RAB3C: variants seen among roughly 807,000 people sequenced by gnomAD.
The protein encoded by RAB3C is RAB3C, member RAS oncogene family.
Under a neutral mutation model 26.4 loss-of-function variants are expected in RAB3C, and 17 were observed. That is an observed-to-expected ratio of 0.64 (90% CI 0.44 to 0.97). The LOEUF is 0.97. Ranked by LOEUF, RAB3C falls within the 50% of genes least tolerant of loss-of-function variation. The probability of loss-of-function intolerance (pLI) is 0.00; values close to 1 mark genes in which losing one functional copy is unlikely to be tolerated. For synonymous variants in RAB3C, 91 were observed against 95.9 expected, an observed-to-expected ratio of 0.95 and a Z score of 0.30; for missense variants, 242 against 281.9, an observed-to-expected ratio of 0.86 and a Z score of 1.01.
chr5:58,735,260 G>T (rs1226376166), intron 3 of RAB3C, among the ~76,000 whole-genome samples: 1 of 152,194 alleles, frequency 6.6e-6, no homozygotes, highest in African/African-American at 2.4e-5. Flanking sequence ...GCAGGGCCTT[G>T]TTCAGCCTTA....
At chr5:58,726,681 T>G (rs1157504228) in intron 3 of RAB3C, among the ~76,000 whole-genome samples, 1 of 151,990 alleles carries the variant, frequency 6.6e-6, no homozygotes, top group East Asian at 1.9e-4. Context: ...ATTTGTTAAA[T>G]AGGTTATTCA....
chr5:58,595,400 C>G lies in RAB3C; in HGVS notation c.24+12168C>G, dbSNP rs533822822. ...TGGTGAGATCTGCTGAGCTATATCA[C>G]CAAGAAGGGTGTCTGGTGAAGACAG... is the stretch of plus-strand genomic sequence containing the variant. On this transcript the variant is annotated intron_variant, in intron 1 of 4. Coordinates refer to ENST00000282878, the MANE Select transcript of RAB3C (RefSeq NM_138453.4). Among the ~76,000 whole-genome samples the G allele has an allele frequency of 6.2e-4, 94 of 152,210 alleles. 1 individual carries two copies. The highest frequency in any genetic ancestry group is 2.2e-3 in the African/African-American group (92 of 41,544).
intron 3 of RAB3C, among the ~76,000 whole-genome samples, chr5:58,809,741 A>T (rs1422781229): frequency 6.6e-6 from 1 of 152,062 alleles, no homozygotes; most frequent in Non-Finnish European, 1.5e-5. Flanking sequence ...ACACAAGAGA[A>T]ATCTCTCTGC....
Position 58,799,683 on chromosome 5 carries a change from G to A in RAB3C, c.372-25355G>A, listed in dbSNP as rs144834842. 5.8e-3 allele frequency among the ~76,000 whole-genome samples: 877 copies of A among 152,294 alleles called. 6 individuals are homozygous for A. Among genetic ancestry groups the A allele is most frequent in the African/African-American group, 0.02 (812 of 41,570 alleles). ...CTCTCAGTCTCCTCACTCAGGGAAG[G>A]AGAAAGGCACTTCCCTCTTATATGA... On this transcript the variant is annotated intron_variant, in intron 3 of 4. Coordinates refer to ENST00000282878, the MANE Select transcript of RAB3C (RefSeq NM_138453.4).
chr5:58,822,818 C>T lies in RAB3C; in HGVS notation c.372-2220C>T, dbSNP rs183419088. 281 of 616,544 alleles carry T rather than the reference C, an allele frequency of 4.6e-4. 4 individuals carry two copies. The East Asian group carries it at 0.01, about 22-fold the overall frequency. The allele number at this position is 616,544 out of a possible 1,614,324, so 38.2% of individuals were successfully genotyped here. ...TGCTGCAGCACATTATACTGGCCTG[C>T]CACTGGCCCACGGGCTTCTCGGTAG... On this transcript the variant is annotated intron_variant, in intron 3 of 4. Transcript: ENST00000282878.
intron 2 of RAB3C, among the ~76,000 whole-genome samples, chr5:58,664,802 A>G (rs1055692399): frequency 3.9e-5 from 6 of 152,074 alleles, no homozygotes; most frequent in Admixed American, 2.0e-4. Flanking sequence ...AAACTCCTCA[A>G]TGTTGCCTAA....
rs558054964 is a variant in RAB3C, at chr5:58,639,405, A to G, written c.252+21535A>G. Among the ~76,000 whole-genome samples the G allele has an allele frequency of 3.3e-5, 5 of 152,296 alleles. No homozygotes were observed. In the South Asian group the frequency reaches 8.3e-4, roughly 25 times the overall value. On this transcript the variant is annotated intron_variant, in intron 2 of 4. Coordinates refer to ENST00000282878, the MANE Select transcript of RAB3C (RefSeq NM_138453.4). Reference sequence around the variant, plus strand: ...CTCAAACAACAAAAATTATTTTCTCACAGTTCTGAAGGCTGGGAAGTCCAG... The same window carrying G: ...CTCAAACAACAAAAATTATTTTCTCGCAGTTCTGAAGGCTGGGAAGTCCAG...
At chr5:58,631,041 A>G (rs1747176322) in intron 2 of RAB3C, among the ~76,000 whole-genome samples, 1 of 152,174 alleles carries the variant, frequency 6.6e-6, no homozygotes, top group Non-Finnish European at 1.5e-5. Flanking sequence ...TAAACCAGAG[A>G]GAAGTTCTTA....
intron 3 of RAB3C, among the ~76,000 whole-genome samples, chr5:58,727,313 A>G (rs1427864617): frequency 6.6e-6 from 1 of 151,946 alleles, no homozygotes; most frequent in Non-Finnish European, 1.5e-5. Flanking sequence ...AAGAAATAAT[A>G]CCATTGGCAA....
chr5:58,803,112 G>A (rs1742847870), intron 3 of RAB3C, among the ~76,000 whole-genome samples: 1 of 152,212 alleles, frequency 6.6e-6, no homozygotes, highest in Non-Finnish European at 1.5e-5. Flanking sequence ...CTGGGAAATG[G>A]TGTCTGGCTG....
At chr5:58,638,998 G>T (rs933869695) in intron 2 of RAB3C, among the ~76,000 whole-genome samples, 5 of 152,136 alleles carry the variant, frequency 3.3e-5, no homozygotes, top group African/African-American at 1.2e-4. Context: ...CAGCTCCCTA[G>T]ATCTACACTT....
chr5:58,628,396 G>T (rs1049903016), intron 2 of RAB3C, among the ~76,000 whole-genome samples: 1 of 152,136 alleles, frequency 6.6e-6, no homozygotes, highest in Non-Finnish European at 1.5e-5. Flanking sequence ...GCATCAGAGA[G>T]TCATTACCAC....
At chr5:58,826,979 T>C (rs903003348) in intron 4 of RAB3C, among the ~76,000 whole-genome samples, 1 of 152,218 alleles carries the variant, frequency 6.6e-6, no homozygotes, top group Admixed American at 6.5e-5. Flanking sequence ...TATCCCTGGA[T>C]GGCCACAAGA....
chr5:58,728,189 A>G (rs1237354500), intron 3 of RAB3C, among the ~76,000 whole-genome samples: 1 of 152,038 alleles, frequency 6.6e-6, no homozygotes, highest in Non-Finnish European at 1.5e-5. Flanking sequence ...TAATTCATTC[A>G]ACAAGCACTT....
At chr5:58,675,145 T>A (rs1408463236) in intron 2 of RAB3C, among the ~76,000 whole-genome samples, 1 of 152,124 alleles carries the variant, frequency 6.6e-6, no homozygotes, top group African/African-American at 2.4e-5. Flanking sequence ...CACAAACCTG[T>A]CTCAGGCTCA....
intron 3 of RAB3C, among the ~76,000 whole-genome samples, chr5:58,765,894 G>T (rs1223038349): frequency 6.6e-6 from 1 of 152,092 alleles, no homozygotes; most frequent in Non-Finnish European, 1.5e-5. Flanking sequence ...TCATGAGAGC[G>T]AGTGAGTTCT....
chr5:58,775,962 C>A (rs1227487467), intron 3 of RAB3C, among the ~76,000 whole-genome samples: 1 of 152,100 alleles, frequency 6.6e-6, no homozygotes, highest in African/African-American at 2.4e-5. Flanking sequence ...TTCCTGTTGC[C>A]TGTCCCACAA....
In RAB3C at chr5:58,672,259, G is replaced by A. The variant is rs146302311; in HGVS notation, c.253-53743G>A. Among the ~76,000 whole-genome samples, 245 of 152,278 alleles carry A rather than the reference G, an allele frequency of 1.6e-3. 1 individual carries two copies. Among genetic ancestry groups the A allele is most frequent in the Middle Eastern group, 0.01 (3 of 294 alleles). On this transcript the variant is annotated intron_variant, in intron 2 of 4. Coordinates refer to ENST00000282878, the MANE Select transcript of RAB3C (RefSeq NM_138453.4). Reference sequence around the variant, plus strand: ...GCAGAAACGGCACACTAAGCAAGGGGCACAGGTGATCCCCTGGGGTTAGAC... The same window carrying A: ...GCAGAAACGGCACACTAAGCAAGGGACACAGGTGATCCCCTGGGGTTAGAC...
At chr5:58,691,256 G>C (rs988048018) in intron 2 of RAB3C, among the ~76,000 whole-genome samples, 1 of 152,176 alleles carries the variant, frequency 6.6e-6, no homozygotes, top group African/African-American at 2.4e-5. Context: ...TCTTTAGGCT[G>C]TGGGGGAATG....
Sources: gnomAD v4.1 joint callset for allele counts (sites outside exome capture counted in the v4.1 genomes callset) on GRCh38, gnomAD v4.1.1 for gene constraint, MANE v1.5 for transcripts, NCBI Gene and HGNC (gene_info 2026-07-23, HGNC 2026-07-21) for gene names.